Variants in APLF observed in about 807,000 individuals in gnomAD.
The protein encoded by APLF is aprataxin and PNK-like factor.
In APLF, 61 loss-of-function variants were observed where a neutral mutation model predicts 55.6. That is an observed-to-expected ratio of 1.10 (90% CI 0.89 to 1.36). The LOEUF is 1.36. APLF is among the 40% of genes most tolerant of loss of function. The pLI is 0.00. For missense variants in APLF, 611 were observed against 602.5 expected (o/e 1.01, Z -0.15); for synonymous variants, 207 against 214.8 (o/e 0.96, Z 0.32).
intron 7 of APLF, among the ~76,000 whole-genome samples, chr2:68,538,491 TG>T (rs1171808391): frequency 6.6e-6 from 1 of 151,546 alleles, no homozygotes; most frequent in Non-Finnish European, 1.5e-5. Flanking sequence ...AATCCAGACA[TG>T]AAGACTGAAT....
chr2:68,524,730 T>C (rs1223676861), intron 5 of APLF, among the ~76,000 whole-genome samples: 1 of 152,246 alleles, frequency 6.6e-6, no homozygotes, highest in Non-Finnish European at 1.5e-5. Flanking sequence ...TAGTCAGAAA[T>C]ATTTATTGAG....
chr2:68,498,119 A>G (rs1170747081), intron 2 of APLF, among the ~76,000 whole-genome samples: 1 of 152,208 alleles, frequency 6.6e-6, no homozygotes, highest in African/African-American at 2.4e-5. Flanking sequence ...TGAAAATCAG[A>G]ATGAGATGGA....
intron 5 of APLF, among the ~76,000 whole-genome samples, chr2:68,525,336 T>A (rs1402200414): frequency 6.6e-6 from 1 of 152,024 alleles, no homozygotes; most frequent in Non-Finnish European, 1.5e-5. Context: ...AATTCCTCAC[T>A]GTGGATGTTA....
chr2:68,526,371 C>A, intron 6 of APLF, 129 bp downstream of exon 6: 1 of 1,419,858 alleles, frequency 7.0e-7, no homozygotes, highest in East Asian at 2.4e-5. Context: ...AAAACTAGCC[C>A]AATTTTTTCA....
chr2:68,528,718 G>A (rs1364197970), intron 6 of APLF: 1 of 1,511,624 alleles, frequency 6.6e-7, no homozygotes, highest in Non-Finnish European at 8.9e-7. Flanking sequence ...CAAAGGGAAG[G>A]ATGCCTCCAG....
intron 8 of APLF, among the ~76,000 whole-genome samples, chr2:68,550,875 A>G (rs1203418650): frequency 6.6e-6 from 1 of 152,192 alleles, no homozygotes; most frequent in African/African-American, 2.4e-5. Flanking sequence ...CTCACAAGAC[A>G]TTGTAATTAT....
intron 5 of APLF, among the ~76,000 whole-genome samples, chr2:68,518,058 TATATA>T (rs989271924): frequency 1.3e-4 from 17 of 135,824 alleles, no homozygotes; most frequent in East Asian, 2.2e-4. Context: ...ATATCATTAA[TATATA>T]ATATATCATT....
Position 68,495,818 on chromosome 2 carries a change from C to T in APLF, c.168+5557C>T, listed in dbSNP as rs1473177382. The stretch of plus-strand genomic sequence containing the variant: ...GCACTCTGTGTACCCACAGGCTTAA[C>T]ACCGTGTGAGAGCTGTCAAGGCTTA... On this transcript the variant is annotated intron_variant, in intron 2 of 9. Transcript: ENST00000303795. 2.6e-5 allele frequency among the ~76,000 whole-genome samples: 4 copies of T among 152,234 alleles called. No homozygotes were observed. In the East Asian group the frequency reaches 7.7e-4, roughly 29 times the overall value.
chr2:68,496,818 G>A (rs1461579697), intron 2 of APLF, among the ~76,000 whole-genome samples: 1 of 152,158 alleles, frequency 6.6e-6, no homozygotes, highest in Non-Finnish European at 1.5e-5. Flanking sequence ...TCCTTAGCCT[G>A]GACGTCATTG....
At chr2:68,518,118 AATATTAATAT>A (rs900801298) in intron 5 of APLF, among the ~76,000 whole-genome samples, 6 of 130,566 alleles carry the variant, frequency 4.6e-5, no homozygotes, top group African/African-American at 1.4e-4. Flanking sequence ...TATCATATAC[AATATTAATAT>A]ATATTAATAT....
At chr2:68,485,213 G>A (rs914763236) in intron 1 of APLF, among the ~76,000 whole-genome samples, 6 of 151,870 alleles carry the variant, frequency 4.0e-5, no homozygotes, top group African/African-American at 1.2e-4. Flanking sequence ...AAAAAAATCA[G>A]GATCCAGTTA....
At chr2:68,485,504 G>A (rs571657656) in intron 1 of APLF, among the ~76,000 whole-genome samples, 3 of 152,102 alleles carry the variant, frequency 2.0e-5, no homozygotes, top group Non-Finnish European at 2.9e-5. Context: ...GCCAGATTTC[G>A]CAGTTAATCT....
chr2:68,503,323 C>A (rs1050201309), intron 3 of APLF, among the ~76,000 whole-genome samples: 1 of 151,940 alleles, frequency 6.6e-6, no homozygotes, highest in South Asian at 2.1e-4. Context: ...ATAAAAATAG[C>A]AGAAAATATA....
chr2:68,554,033 A>G (rs1227473929), intron 8 of APLF, among the ~76,000 whole-genome samples: 1 of 152,112 alleles, frequency 6.6e-6, no homozygotes, highest in South Asian at 2.1e-4. Flanking sequence ...ATTATACTAC[A>G]TATCAATGCC....
chr2:68,520,990 C>T (rs974068706), intron 5 of APLF, among the ~76,000 whole-genome samples: 1 of 152,130 alleles, frequency 6.6e-6, no homozygotes, highest in East Asian at 1.9e-4. Flanking sequence ...TCTATGATTT[C>T]TTTCAGCAGT....
At position 68,579,578 on chromosome 2, in the gene APLF, A is replaced by G. The variant is rs141315424; in HGVS notation, c.*1556A>G. ...TCAACTGGGTGAATGGATAAGCAAAACGTGGTATATCTGTGCAATGGAATA... is the reference window on the plus strand; with the variant it reads ...TCAACTGGGTGAATGGATAAGCAAAGCGTGGTATATCTGTGCAATGGAATA... On this transcript the variant is annotated 3_prime_UTR_variant, in exon 10 of 10. Coordinates refer to ENST00000303795, the MANE Select transcript of APLF (RefSeq NM_173545.3). 5.4e-6 allele frequency: 1 copy of G among 184,052 alleles called. No individual in the cohort carries two copies. Among genetic ancestry groups the G allele is most frequent in the African/African-American group, 2.4e-5 (1 of 42,146 alleles). The allele number at this position is 184,052 out of a possible 1,614,324, so 11.4% of individuals were successfully genotyped here. A position where few individuals can be genotyped will look rare whatever the true frequency, so the allele number is the denominator to read the frequency against.
At chr2:68,480,715 ATCTTTTC>A (rs1675926405) in intron 1 of APLF, among the ~76,000 whole-genome samples, 1 of 152,052 alleles carries the variant, frequency 6.6e-6, no homozygotes, top group Middle Eastern at 3.2e-3. Flanking sequence ...AAAAGGTTTC[ATCTTTTC>A]CCCTTTCTGT....
chr2:68,502,898 CTTAAGG>C lies in APLF; in HGVS notation c.338_341+2del. 1 of 1,599,948 alleles carries C rather than the reference CTTAAGG, an allele frequency of 6.3e-7. No individual in the cohort carries two copies. Among genetic ancestry groups the C allele is most frequent in the African/African-American group, 1.4e-5 (1 of 73,926 alleles). On this transcript the variant is annotated splice_donor_variant and coding_sequence_variant, in exon 3 of 10. Coordinates refer to ENST00000303795, the MANE Select transcript of APLF (RefSeq NM_173545.3). LOFTEE classifies it high-confidence loss of function. ...CCTCTGAAGTGGAAATGCAATGTAC[CTTAAGG>C]TAAGTGCCTGATGAAATGAGAGTAA...
intron 2 of APLF, among the ~76,000 whole-genome samples, chr2:68,501,403 G>A (rs181780515): frequency 6.6e-6 from 1 of 151,312 alleles, no homozygotes; most frequent in Non-Finnish European, 1.5e-5. Context: ...AATAGAGATC[G>A]GTGCTCTCTA....
Sources: gnomAD v4.1 joint callset for allele counts (sites outside exome capture counted in the v4.1 genomes callset) on GRCh38, gnomAD v4.1.1 for gene constraint, MANE v1.5 for transcripts, NCBI Gene and HGNC (gene_info 2026-07-23, HGNC 2026-07-21) for gene names.